PMF1: variants seen among roughly 807,000 people sequenced by gnomAD.
PMF1 encodes polyamine modulated factor 1, also known as polyamine-modulated factor 1.
A neutral mutation model predicts 26.7 loss-of-function variants in PMF1; 21 were observed. The observed-to-expected ratio is 0.79, with a 90% confidence interval of 0.56 to 1.13. The LOEUF (loss-of-function observed/expected upper bound fraction) is 1.13. Ranked by LOEUF, PMF1 falls within the 50% of genes most tolerant of loss-of-function variation. The pLI, the probability that PMF1 is intolerant of heterozygous loss-of-function variation, is 0.00. For synonymous variants in PMF1, 105 were observed against 101.0 expected, an observed-to-expected ratio of 1.04 and a Z score of -0.24; for missense variants, 266 against 254.9, an observed-to-expected ratio of 1.04 and a Z score of -0.30.
chr1:156,214,859 GATT>G (rs1199555277), intron 1 of PMF1, among the ~76,000 whole-genome samples: 2,822 of 149,312 alleles, frequency 0.019, 98 homozygotes, highest in African/African-American at 0.066. Flanking sequence ...GAAGGAACCA[GATT>G]ATTATTATTA....
chr1:156,218,685 G>A (rs1009717301), intron 1 of PMF1, among the ~76,000 whole-genome samples: 1 of 152,028 alleles, frequency 6.6e-6, no homozygotes, highest in Non-Finnish European at 1.5e-5. Context: ...GGGAGGCTGA[G>A]GCAGGAGAAT....
intron 4 of PMF1, chr1:156,237,270 G>GC (rs1387973437): frequency 8.2e-6 from 1 of 121,810 alleles, no homozygotes; most frequent in Non-Finnish European, 1.8e-5. Context: ...AACTATAGTT[G>GC]CCTTACACTA....
intron 1 of PMF1, among the ~76,000 whole-genome samples, chr1:156,215,860 C>T (rs764194767): frequency 6.8e-4 from 103 of 152,034 alleles, no homozygotes; most frequent in Non-Finnish European, 1.2e-3. Flanking sequence ...AGCTAATTTT[C>T]GTATTTTTAG....
At chr1:156,238,048 T>C (rs1659137723) in intron 4 of PMF1, among the ~76,000 whole-genome samples, 1 of 150,392 alleles carries the variant, frequency 6.6e-6, no homozygotes, top group Non-Finnish European at 1.5e-5. Context: ...GATTACCCAC[T>C]GTTTGTTCTT....
At chr1:156,228,386 C>T (rs1022774474) in intron 1 of PMF1, among the ~76,000 whole-genome samples, 7 of 146,056 alleles carry the variant, frequency 4.8e-5, no homozygotes, top group African/African-American at 1.5e-4. Flanking sequence ...TCAAGAAAGA[C>T]ATCACCTTCT....
intron 1 of PMF1, among the ~76,000 whole-genome samples, chr1:156,224,948 G>A (rs1339965883): frequency 1.3e-5 from 2 of 151,176 alleles, no homozygotes; most frequent in Non-Finnish European, 2.9e-5. Flanking sequence ...TGCCCAGGCT[G>A]GAGGGCAGTG....
intron 3 of PMF1, among the ~76,000 whole-genome samples, chr1:156,235,187 C>T (rs1011431156): frequency 6.6e-6 from 1 of 150,576 alleles, no homozygotes; most frequent in Admixed American, 6.6e-5. Context: ...TACAGTGGTG[C>T]GATCTCAGCT....
chr1:156,223,520 A>G (rs1408816761), intron 1 of PMF1: 6 of 152,182 alleles, frequency 3.9e-5, no homozygotes, highest in Non-Finnish European at 7.3e-5. Flanking sequence ...CATCTGAAAA[A>G]TGGGGGTGAT....
chr1:156,233,548 C>T (rs545583756), intron 2 of PMF1, 80 bp from the exon 3 acceptor site: 25 of 1,421,176 alleles, frequency 1.8e-5, no homozygotes, highest in Non-Finnish European at 2.4e-5. Flanking sequence ...AAAATCTTAC[C>T]AAGTGCTGTC....
chr1:156,235,435 A>T lies in PMF1; in HGVS notation c.369-853A>T, dbSNP rs551241140. ...CACCGCGCTCAGCCATTGAAAAATA[A>T]TTTTTTTTTTTTTTTTTTTTTTTTG... On this transcript the variant is annotated intron_variant, in intron 3 of 4. Coordinates refer to ENST00000368277, the MANE Select transcript of PMF1 (RefSeq NM_007221.4). Among the ~76,000 whole-genome samples the T allele has an allele frequency of 8.5e-4, 59 of 69,108 alleles. 1 individual carries two copies. The highest frequency in any genetic ancestry group is 1.3e-3 in the Non-Finnish European group (44 of 35,158). 45.3% of individuals were successfully genotyped at this position (69,108 alleles called of 152,430 possible).
intron 4 of PMF1, 43 bp downstream of exon 4, chr1:156,236,526 G>A (rs1659025929): frequency 1.9e-6 from 3 of 1,548,318 alleles, no homozygotes; most frequent in Non-Finnish European, 1.7e-6. Flanking sequence ...TCTCTAATGG[G>A]CCCTCTGAGA....
rs1261240723 is a variant in PMF1 at position 156,235,436 on chromosome 1, T to C, written c.369-852T>C. Among the ~76,000 whole-genome samples, 3 of 12,276 alleles carry C rather than the reference T, an allele frequency of 2.4e-4. 1 individual carries two copies. The highest frequency in any genetic ancestry group is 6.5e-4 in the Non-Finnish European group (2 of 3,092). 8.1% of individuals were successfully genotyped at this position (12,276 alleles called of 152,430 possible). On this transcript the variant is annotated intron_variant, in intron 3 of 4. Coordinates refer to ENST00000368277, the MANE Select transcript of PMF1 (RefSeq NM_007221.4). The stretch of plus-strand genomic sequence containing the variant: ...ACCGCGCTCAGCCATTGAAAAATAA[T>C]TTTTTTTTTTTTTTTTTTTTTTTGA...
chr1:156,214,308 C>T lies in PMF1; in HGVS notation c.161+1132C>T, dbSNP rs377087775. Among the ~76,000 whole-genome samples the T allele has an allele frequency of 7.2e-5, 11 of 152,306 alleles. No individual in the cohort carries two copies. The East Asian group carries it at 2.1e-3, about 29-fold the overall frequency. On this transcript the variant is annotated intron_variant, in intron 1 of 4. Coordinates refer to ENST00000368277, the MANE Select transcript of PMF1 (RefSeq NM_007221.4). ...TGAAACGCTTCCAGGAGTTCGGTGC[C>T]CTGACCACAGCCTCTCCTTCTCTAG... is the stretch of plus-strand genomic sequence containing the variant.
Position 156,233,593 on chromosome 1 carries a change from C to T in PMF1, c.268-35C>T, listed in dbSNP as rs79031791. The T allele has an allele frequency of 4.9e-3, 7,832 of 1,605,352 alleles. 288 individuals carry two copies. In the African/African-American group the frequency reaches 0.088, roughly 18 times the overall value. On this transcript the variant is annotated intron_variant, in intron 2 of 4. Coordinates refer to ENST00000368277, the MANE Select transcript of PMF1 (RefSeq NM_007221.4). Reference sequence around the variant, plus strand: ...GCATATTTTTGCCATGAGCTCATCTCGTGTCATTACAGCTCTTTCCTCCTT... The same window carrying T: ...GCATATTTTTGCCATGAGCTCATCTTGTGTCATTACAGCTCTTTCCTCCTT...
intron 4 of PMF1, among the ~76,000 whole-genome samples, chr1:156,238,308 T>C (rs1659155082): frequency 6.6e-6 from 1 of 152,254 alleles, no homozygotes; most frequent in Non-Finnish European, 1.5e-5. Flanking sequence ...TTGTAGAGCC[T>C]TCACACATCT....
intron 3 of PMF1, among the ~76,000 whole-genome samples, chr1:156,236,082 C>A (rs1435506418): frequency 6.6e-6 from 1 of 152,140 alleles, no homozygotes; most frequent in Non-Finnish European, 1.5e-5. Flanking sequence ...AGGTGGACCC[C>A]TAAGCATTGA....
rs185135767 is a variant in PMF1 at position 156,225,443 on chromosome 1, C to G, written c.162-6877C>G. The G allele has an allele frequency of 1.8e-4, 113 of 636,802 alleles. 2 individuals carry two copies. In the East Asian group the frequency reaches 3.1e-3, roughly 18 times the overall value. 39.4% of individuals were successfully genotyped at this position (636,802 alleles called of 1,614,324 possible). On this transcript the variant is annotated intron_variant, in intron 1 of 4. Coordinates refer to ENST00000368277, the MANE Select transcript of PMF1 (RefSeq NM_007221.4). ...ACCCAGTATGTAGTCTTTTATCCCT[C>G]ACCCCCCTCCCACCCTTTCCCCACA...
chr1:156,237,960 G>T (rs1347714007), intron 4 of PMF1, among the ~76,000 whole-genome samples: 1 of 151,990 alleles, frequency 6.6e-6, no homozygotes, highest in East Asian at 1.9e-4. Context: ...TAGAGACGGG[G>T]TTTCACCATG....
At position 156,233,794 on chromosome 1, in the gene PMF1, T is replaced by C. The variant is rs1160356087; in HGVS notation, c.368+66T>C. ...GCAGCAATTAAGCTTTTTTTTTTTT[T>C]TTCTAGAGTCAGGGTCTCACTATGT... On this transcript the variant is annotated intron_variant, in intron 3 of 4. Coordinates refer to ENST00000368277, the MANE Select transcript of PMF1 (RefSeq NM_007221.4). 6 of 1,502,942 alleles carry C rather than the reference T, an allele frequency of 4.0e-6. No homozygotes were observed. In the East Asian group the frequency reaches 1.1e-4, roughly 29 times the overall value. The allele number at this position is 1,502,942 out of a possible 1,614,324, so 93.1% of individuals were successfully genotyped here. A position where few individuals can be genotyped will look rare whatever the true frequency, so the allele number is the denominator to read the frequency against.
Sources: gnomAD v4.1 joint callset for allele counts (sites outside exome capture counted in the v4.1 genomes callset) on GRCh38, gnomAD v4.1.1 for gene constraint, MANE v1.5 for transcripts, NCBI Gene and HGNC (gene_info 2026-07-23, HGNC 2026-07-21) for gene names.